The following MCTP1 variants were observed in gnomAD, a reference collection of about 807,000 sequenced individuals.
MCTP1 encodes multiple C2 and transmembrane domain-containing protein 1.
MCTP1 carries 69 observed loss-of-function variants against 120.6 expected under a neutral mutation model. That is an observed-to-expected ratio of 0.57 (90% CI 0.47 to 0.70). The LOEUF is 0.70. Among genes scored for constraint, MCTP1 ranks in the 30% least tolerant of loss-of-function variants. The probability of loss-of-function intolerance (pLI) is 0.00; values close to 1 mark genes in which losing one functional copy is unlikely to be tolerated. For synonymous variants in MCTP1, 529 were observed against 493.1 expected, an observed-to-expected ratio of 1.07 and a Z score of -0.96; for missense variants, 1,203 against 1,248.8, an observed-to-expected ratio of 0.96 and a Z score of 0.55.
chr5:95,021,895 TG>T (rs1426231469), intron 1 of MCTP1, among the ~76,000 whole-genome samples: 4 of 152,166 alleles, frequency 2.6e-5, no homozygotes, highest in African/African-American at 4.8e-5. Flanking sequence ...ATGATGTTTA[TG>T]AAGCTTAGGC....
intron 1 of MCTP1, among the ~76,000 whole-genome samples, chr5:95,222,301 T>G (rs1753781557): frequency 6.6e-6 from 1 of 152,210 alleles, no homozygotes; most frequent in Non-Finnish European, 1.5e-5. Context: ...AACAAAGTCT[T>G]TATTCCAGGA....
intron 1 of MCTP1, among the ~76,000 whole-genome samples, chr5:95,112,494 T>G (rs1399789525): frequency 5.3e-5 from 8 of 152,346 alleles, no homozygotes; most frequent in Admixed American, 4.6e-4. Context: ...TTTAAAATGT[T>G]TTTAACTTCC....
intron 2 of MCTP1, among the ~76,000 whole-genome samples, chr5:94,966,562 G>A (rs1028313837): frequency 3.9e-5 from 6 of 152,102 alleles, no homozygotes; most frequent in Non-Finnish European, 5.9e-5. Context: ...TTGGGAAGCC[G>A]AGGCAGGGGA....
intron 9 of MCTP1, among the ~76,000 whole-genome samples, chr5:94,911,724 C>T (rs1048911452): frequency 2.0e-5 from 3 of 152,024 alleles, no homozygotes. Flanking sequence ...AAGACATGTG[C>T]CAAAAATATA....
At chr5:94,996,683 C>G (rs1416555293) in intron 2 of MCTP1, among the ~76,000 whole-genome samples, 1 of 152,018 alleles carries the variant, frequency 6.6e-6, no homozygotes, top group Non-Finnish European at 1.5e-5. Flanking sequence ...TGCAACCAAC[C>G]ATATTTTATT....
intron 19 of MCTP1, among the ~76,000 whole-genome samples, chr5:94,755,377 C>A (rs1001540867): frequency 3.3e-5 from 5 of 152,056 alleles, no homozygotes; most frequent in African/African-American, 1.2e-4. Flanking sequence ...TAAAATGAGC[C>A]CCAAGGTCCT....
At chr5:94,838,365 A>T (rs1289973833) in intron 17 of MCTP1, among the ~76,000 whole-genome samples, 1 of 152,240 alleles carries the variant, frequency 6.6e-6, no homozygotes. Flanking sequence ...CTTGAAGTCA[A>T]TTTAAATTTT....
intron 1 of MCTP1, among the ~76,000 whole-genome samples, chr5:95,138,416 T>C (rs1218393433): frequency 6.6e-6 from 1 of 152,222 alleles, no homozygotes; most frequent in African/African-American, 2.4e-5. Flanking sequence ...CTCACTATCC[T>C]CTCCTGTAAC....
chr5:94,726,133 A>T (rs1484760336), intron 19 of MCTP1, among the ~76,000 whole-genome samples: 1 of 152,176 alleles, frequency 6.6e-6, no homozygotes, highest in Admixed American at 6.5e-5. Flanking sequence ...ACTAAAGATC[A>T]GTTGCCTAAA....
intron 19 of MCTP1, among the ~76,000 whole-genome samples, chr5:94,722,832 G>A (rs1014676843): frequency 3.3e-5 from 5 of 152,106 alleles, no homozygotes; most frequent in South Asian, 2.1e-4. Flanking sequence ...ATAGCACAAC[G>A]TCTAAAATTA....
intron 19 of MCTP1, among the ~76,000 whole-genome samples, chr5:94,736,388 TG>T (rs1216284648): frequency 2.0e-5 from 3 of 151,736 alleles, no homozygotes; most frequent in Non-Finnish European, 4.4e-5. Context: ...GAGGCTGAGG[TG>T]GGGGAATCAC....
rs779908954 is a variant in MCTP1 at position 94,704,685 on chromosome 5, TATAACAGGGTCA to T, written c.*2799_*2810del. On this transcript the variant is annotated 3_prime_UTR_variant, in exon 23 of 23. Transcript: ENST00000515393. ...TACAATCATTGGTTTGACCGTTGTC[TATAACAGGGTCA>T]TACAGTTGGTATTCGATAAATATAT... 1.2e-4 allele frequency: 18 copies of T among 151,412 alleles called. No homozygotes were observed. Among genetic ancestry groups the T allele is most frequent in the Middle Eastern group, 3.4e-3 (1 of 294 alleles). The allele number at this position is 151,412 out of a possible 1,614,324, so 9.4% of individuals were successfully genotyped here.
intron 19 of MCTP1, among the ~76,000 whole-genome samples, chr5:94,746,356 G>A (rs1041422533): frequency 1.8e-4 from 27 of 152,150 alleles, no homozygotes; most frequent in African/African-American, 5.8e-4. Flanking sequence ...GATTGAAGGC[G>A]TTACTCATGT....
At position 95,120,207 on chromosome 5, in the gene MCTP1, G is replaced by A. The variant is rs868568615; in HGVS notation, c.721-102723C>T. 6.5e-3 allele frequency among the ~76,000 whole-genome samples: 939 copies of A among 144,724 alleles called. 8 individuals carry two copies. The highest frequency in any genetic ancestry group is 0.022 in the African/African-American group (894 of 39,736). 94.9% of individuals were successfully genotyped at this position (144,724 alleles called of 152,430 possible). On this transcript the variant is annotated intron_variant, in intron 1 of 22. Transcript: ENST00000515393. ...AAAAAAAAAAAAGTCTCCCAGCTAC[G>A]AAAAGTCCAGGACTCAGTAGCTTCA...
chr5:94,875,339 T>C (rs1302217573), intron 12 of MCTP1, among the ~76,000 whole-genome samples: 1 of 151,922 alleles, frequency 6.6e-6, no homozygotes, highest in Non-Finnish European at 1.5e-5. Flanking sequence ...TCCAGGAATA[T>C]CCAGGAAGCC....
chr5:94,859,102 AGATTTAAGACAGAAATAAAACTGTG>A lies in MCTP1; in HGVS notation c.2436+9206_2436+9230del, dbSNP rs1447947636. Among the ~76,000 whole-genome samples the A allele has an allele frequency of 4.0e-4, 61 of 151,856 alleles. 1 individual carries two copies. In the East Asian group the frequency reaches 0.01, roughly 26 times the overall value. ...TTCCATTTTAACTACATATCAGCCA[AGATTTAAGACAGAAATAAAACTGTG>A]GTAGAAGTCTGATACTCTGAGAATT... On this transcript the variant is annotated intron_variant, in intron 17 of 22. Transcript: ENST00000515393.
intron 1 of MCTP1, among the ~76,000 whole-genome samples, chr5:95,032,286 T>C (rs2151771122): frequency 6.6e-6 from 1 of 152,232 alleles, no homozygotes; most frequent in East Asian, 1.9e-4. Context: ...CCACAGGATA[T>C]ACATTCTCAT....
chr5:95,078,177 C>T (rs1754099820), intron 1 of MCTP1, among the ~76,000 whole-genome samples: 1 of 152,220 alleles, frequency 6.6e-6, no homozygotes, highest in African/African-American at 2.4e-5. Flanking sequence ...AGTTGTATAA[C>T]AGACCTAAAC....
At chr5:95,089,317 C>T (rs1755675553) in intron 1 of MCTP1, among the ~76,000 whole-genome samples, 1 of 152,154 alleles carries the variant, frequency 6.6e-6, no homozygotes, top group Non-Finnish European at 1.5e-5. Context: ...AAATGAAGCA[C>T]ATATTCCAGA....
Sources: allele counts gnomAD v4.1 joint callset (sites outside exome capture counted in the v4.1 genomes callset), GRCh38; gene constraint gnomAD v4.1.1; transcripts MANE v1.5; gene names NCBI Gene and HGNC (gene_info 2026-07-23, HGNC 2026-07-21).